Variants in TMTC2 observed in about 807,000 individuals in gnomAD.
The protein encoded by TMTC2 is protein O-mannosyl-transferase TMTC2.
Under a neutral mutation model 82.4 loss-of-function variants are expected in TMTC2, and 43 were observed. That is an observed-to-expected ratio of 0.52 (90% confidence interval 0.41 to 0.67). The LOEUF (loss-of-function observed/expected upper bound fraction) is 0.67, where lower values mean the gene tolerates loss of function less well. Ranked by LOEUF, TMTC2 falls within the 30% of genes least tolerant of loss-of-function variation. TMTC2 has a pLI of 0.00. For synonymous variants in TMTC2, 408 were observed against 381.9 expected (o/e 1.07, Z -0.80); for missense variants, 919 against 1,012.4 (o/e 0.91, Z 1.25).
intron 11 of TMTC2, among the ~76,000 whole-genome samples, chr12:83,087,580 G>A (rs1437281631): frequency 6.7e-6 from 1 of 149,484 alleles, no homozygotes; most frequent in Non-Finnish European, 1.5e-5. Context: ...ATCCATGGCT[G>A]CAGAATGGAT....
intron 2 of TMTC2, among the ~76,000 whole-genome samples, chr12:82,878,896 A>G (rs1304097643): frequency 6.6e-6 from 1 of 152,164 alleles, no homozygotes; most frequent in Non-Finnish European, 1.5e-5. Flanking sequence ...TAGATAATGA[A>G]AAATTAGAAA....
At chr12:82,710,717 G>C (rs1873582288) in intron 1 of TMTC2, among the ~76,000 whole-genome samples, 1 of 152,142 alleles carries the variant, frequency 6.6e-6, no homozygotes, top group Non-Finnish European at 1.5e-5. Flanking sequence ...TGACTACTGG[G>C]AGTCCTTGGG....
At chr12:83,104,018 C>A (rs1884316735) in intron 11 of TMTC2, among the ~76,000 whole-genome samples, 1 of 152,222 alleles carries the variant, frequency 6.6e-6, no homozygotes, top group South Asian at 2.1e-4. Flanking sequence ...CAAGTTCAGA[C>A]CCCAGCAGGG....
intron 4 of TMTC2, among the ~76,000 whole-genome samples, chr12:82,944,942 G>C (rs1476703887): frequency 6.6e-6 from 1 of 152,170 alleles, no homozygotes; most frequent in East Asian, 1.9e-4. Context: ...CACACTAGGA[G>C]GTCTTTGATG....
chr12:82,949,208 T>C (rs1877211096), intron 4 of TMTC2, among the ~76,000 whole-genome samples: 1 of 152,226 alleles, frequency 6.6e-6, no homozygotes. Context: ...AGATTAGACG[T>C]CCATGTTGGA....
At chr12:82,797,873 T>C (rs75100860) in intron 1 of TMTC2, among the ~76,000 whole-genome samples, 17,412 of 151,640 alleles carry the variant, frequency 0.11, 1,373 homozygotes, top group East Asian at 0.3. Flanking sequence ...GCTCTAAAAT[T>C]GTTTACAGAG....
At chr12:83,065,260 A>C (rs187040818) in intron 11 of TMTC2, among the ~76,000 whole-genome samples, 1 of 151,924 alleles carries the variant, frequency 6.6e-6, no homozygotes, top group Admixed American at 6.6e-5. Context: ...TATTTTTTCT[A>C]TGATATGAAA....
intron 1 of TMTC2, among the ~76,000 whole-genome samples, chr12:82,835,837 C>T (rs1044911412): frequency 2.6e-5 from 4 of 152,306 alleles, no homozygotes; most frequent in African/African-American, 9.6e-5. Flanking sequence ...TATGCCCCCA[C>T]TTGACGTCAC....
chr12:83,086,703 T>G (rs1565883029), intron 11 of TMTC2, among the ~76,000 whole-genome samples: 1 of 152,184 alleles, frequency 6.6e-6, no homozygotes, highest in South Asian at 2.1e-4. Flanking sequence ...TAAAACATGT[T>G]TATACCATAC....
chr12:82,968,520 T>A (rs942612631), intron 7 of TMTC2, among the ~76,000 whole-genome samples: 4 of 152,158 alleles, frequency 2.6e-5, no homozygotes, highest in Non-Finnish European at 5.9e-5. Context: ...TTAATTCTAG[T>A]GCTTCCAAGG....
At chr12:83,122,604 G>T (rs1884988915) in intron 11 of TMTC2, among the ~76,000 whole-genome samples, 1 of 152,156 alleles carries the variant, frequency 6.6e-6, no homozygotes, top group African/African-American at 2.4e-5. Context: ...TCGCCAGTGG[G>T]GGTGTGTGTT....
At chr12:82,766,782 T>C (rs372542840) in intron 1 of TMTC2, among the ~76,000 whole-genome samples, 1 of 148,718 alleles carries the variant, frequency 6.7e-6, no homozygotes, top group African/African-American at 2.5e-5. Flanking sequence ...TGTTGATTCT[T>C]CTATTTATTT....
intron 2 of TMTC2, among the ~76,000 whole-genome samples, chr12:82,886,332 AG>A (rs1269724522): frequency 6.6e-6 from 1 of 152,222 alleles, no homozygotes; most frequent in Non-Finnish European, 1.5e-5. Flanking sequence ...CAACCATTGA[AG>A]GAATAAATAC....
intron 2 of TMTC2, among the ~76,000 whole-genome samples, chr12:82,894,965 ATTTT>A (rs538079811): frequency 4.2e-4 from 51 of 122,406 alleles, no homozygotes; most frequent in Non-Finnish European, 6.9e-4. Flanking sequence ...ATGCCTGGCA[ATTTT>A]TTTTTTTTTT....
intron 2 of TMTC2, among the ~76,000 whole-genome samples, chr12:82,882,473 T>G (rs1329936803): frequency 6.6e-6 from 1 of 152,144 alleles, no homozygotes; most frequent in Non-Finnish European, 1.5e-5. Flanking sequence ...GTTACTCTGA[T>G]GTATCTGAAA....
chr12:83,080,290 A>T (rs919097745), intron 11 of TMTC2, among the ~76,000 whole-genome samples: 1 of 152,158 alleles, frequency 6.6e-6, no homozygotes, highest in Non-Finnish European at 1.5e-5. Flanking sequence ...ACAAATGTTC[A>T]CTTAAATGGG....
intron 1 of TMTC2, among the ~76,000 whole-genome samples, chr12:82,807,991 T>C (rs1879318297): frequency 6.6e-6 from 1 of 151,980 alleles, no homozygotes; most frequent in Non-Finnish European, 1.5e-5. Flanking sequence ...TATTTGAGAC[T>C]GTTTAATAAT....
At chr12:82,959,425 A>G (rs534162483) in intron 4 of TMTC2, among the ~76,000 whole-genome samples, 4 of 152,282 alleles carry the variant, frequency 2.6e-5, no homozygotes, top group Non-Finnish European at 5.9e-5. Flanking sequence ...CTGAAACTCT[A>G]CTATAAGGCT....
chr12:83,014,259 C>T (rs1307150910), intron 8 of TMTC2, among the ~76,000 whole-genome samples: 3 of 152,178 alleles, frequency 2.0e-5, no homozygotes, highest in Non-Finnish European at 4.4e-5. Flanking sequence ...GCCTTCTGCA[C>T]TCAAGTGATT....
Sources: gnomAD v4.1 joint callset for allele counts (sites outside exome capture counted in the v4.1 genomes callset) on GRCh38, gnomAD v4.1.1 for gene constraint, MANE v1.5 for transcripts, NCBI Gene and HGNC (gene_info 2026-07-23, HGNC 2026-07-21) for gene names.